The following PCDHGA1 variants were observed in gnomAD, a reference collection of about 807,000 sequenced individuals.
The protein encoded by PCDHGA1 is protocadherin gamma subfamily A, 1.
In PCDHGA1, 32 loss-of-function variants were observed where a neutral mutation model predicts 58.0. The observed-to-expected ratio is 0.55, with a 90% CI of 0.42 to 0.74. The LOEUF (loss-of-function observed/expected upper bound fraction) is 0.74, where lower values mean the gene tolerates loss of function less well. PCDHGA1 is among the 30% of genes least tolerant of loss of function. The pLI is 0.00. For synonymous variants in PCDHGA1, 498 were observed against 501.1 expected (o/e 0.99, Z 0.08); for missense variants, 1,205 against 1,182.3 (o/e 1.02, Z -0.28).
rs368547508 is a variant in PCDHGA1, at chr5:141,366,079, A to T, written c.2421+32974A>T. On this transcript the variant is annotated intron_variant, in intron 1 of 3. Transcript: ENST00000517417. ...TGGAGCTGGCGCCTCGCTCCGCAGA[A>T]CCTGGCTACCTGGTGACCAAGGTGG... 100 of 1,614,102 alleles carry T rather than the reference A, an allele frequency of 6.2e-5. No homozygotes were observed. Among genetic ancestry groups the T allele is most frequent in the Non-Finnish European group, 8.1e-5 (95 of 1,180,048 alleles).
chr5:141,454,669 AC>A (rs1292139052), intron 1 of PCDHGA1, among the ~76,000 whole-genome samples: 1 of 151,212 alleles, frequency 6.6e-6, no homozygotes, highest in African/African-American at 2.4e-5. Context: ...GCCTCCCAAA[AC>A]ACTGGGATTA....
Position 141,485,182 on chromosome 5 carries a change from C to A in PCDHGA1, c.2422-9625C>A. 6.2e-7 allele frequency: 1 copy of A among 1,613,070 alleles called. No individual in the cohort carries two copies. The highest frequency in any genetic ancestry group is 8.5e-7 in the Non-Finnish European group (1 of 1,179,154). On this transcript the variant is annotated intron_variant, in intron 1 of 3. Coordinates refer to ENST00000517417, the MANE Select transcript of PCDHGA1 (RefSeq NM_018912.3). This position sits in a 1 kb window ranked among gnomAD's most constrained non-coding sequence, Gnocchi z 5.7. ...ATTAGCGGGCGGCAGCAATGCTCCG[C>A]AAGGTGAGAAGCTGGACAGAAATCT...
chr5:141,341,179 G>C, intron 1 of PCDHGA1: 1 of 1,613,540 alleles, frequency 6.2e-7, no homozygotes, highest in Non-Finnish European at 8.5e-7. Context: ...CAGGCATGCA[G>C]AGCTCGCACT....
chr5:141,458,409 G>A (rs188300064), intron 1 of PCDHGA1, among the ~76,000 whole-genome samples: 2 of 152,126 alleles, frequency 1.3e-5, no homozygotes, highest in East Asian at 1.9e-4. Context: ...GAGACGGAGC[G>A]GGGGTTCCAA....
chr5:141,408,053 TC>T, intron 1 of PCDHGA1: 1 of 1,288,090 alleles, frequency 7.8e-7, no homozygotes, highest in South Asian at 1.6e-5. Context: ...ACACAGAGCC[TC>T]CCGGCTGCGC....
intron 1 of PCDHGA1, chr5:141,428,311 G>A: frequency 3.0e-6 from 2 of 671,726 alleles, no homozygotes; most frequent in Non-Finnish European, 5.3e-6. Context: ...CCTGGTCGTG[G>A]CCTTGGCCTT....
intron 1 of PCDHGA1, chr5:141,478,592 TC>T: frequency 6.4e-7 from 1 of 1,570,334 alleles, no homozygotes; most frequent in Non-Finnish European, 8.6e-7. Flanking sequence ...GCTTTTTTAT[TC>T]CTACATCATA....
intron 1 of PCDHGA1, chr5:141,394,163 T>C (rs1207627975): frequency 3.7e-6 from 6 of 1,613,782 alleles, no homozygotes; most frequent in Non-Finnish European, 5.1e-6. Flanking sequence ...ACAACCCTCC[T>C]ACTTTCCCTC....
intron 1 of PCDHGA1, among the ~76,000 whole-genome samples, chr5:141,468,306 C>T (rs1006015063): frequency 9.5e-6 from 1 of 105,260 alleles, no homozygotes; most frequent in African/African-American, 3.7e-5. Context: ...GCCTGGGCAA[C>T]AAGAGCAACG....
At chr5:141,433,225 GCT>G in intron 1 of PCDHGA1, 1 of 1,517,048 alleles carries the variant, frequency 6.6e-7, no homozygotes, top group African/African-American at 1.4e-5. Context: ...TTTTTTAATT[GCT>G]CTGTCTCCCA....
intron 1 of PCDHGA1, chr5:141,376,162 G>A (rs1480360111): frequency 1.2e-6 from 2 of 1,614,084 alleles, no homozygotes; most frequent in African/African-American, 1.3e-5. Flanking sequence ...CTCTGTACCT[G>A]GTGGTGGCGG....
At position 141,408,540 on chromosome 5, in the gene PCDHGA1, C is replaced by T. The variant is rs201370009; in HGVS notation, c.2421+75435C>T. On this transcript the variant is annotated intron_variant, in intron 1 of 3. Transcript: ENST00000517417. ...CAATTGGAAGCTGTGGTGGAAAATCCTTTAAATATTTTTCATGTCATTGTG... is the reference window on the plus strand; with the variant it reads ...CAATTGGAAGCTGTGGTGGAAAATCTTTTAAATATTTTTCATGTCATTGTG... The T allele has an allele frequency of 1.6e-3, 2,593 of 1,614,046 alleles. 3 individuals are homozygous for T. Among genetic ancestry groups the T allele is most frequent in the Middle Eastern group, 4.5e-3 (27 of 6,062 alleles).
intron 1 of PCDHGA1, chr5:141,408,083 C>G (rs1045548793): frequency 3.5e-6 from 5 of 1,414,460 alleles, no homozygotes; most frequent in Non-Finnish European, 4.7e-6. Context: ...CCCAGCACAG[C>G]GGATTGCCAG....
chr5:141,340,855 G>C (rs779773904), intron 1 of PCDHGA1: 1 of 1,613,608 alleles, frequency 6.2e-7, no homozygotes, highest in South Asian at 1.1e-5. Context: ...AGGTGCGCAC[G>C]GCGCGAGCCC....
chr5:141,389,121 A>T (rs754294132), intron 1 of PCDHGA1: 2 of 1,613,910 alleles, frequency 1.2e-6, no homozygotes, highest in Non-Finnish European at 1.7e-6. Flanking sequence ...CCGCGAGCAG[A>T]ATCCAGAGTA....
At position 141,393,888 on chromosome 5, in the gene PCDHGA1, A is replaced by T. The variant is rs371905513; in HGVS notation, c.2421+60783A>T. 2.5e-6 allele frequency: 4 copies of T among 1,613,898 alleles called. No homozygotes were observed. The highest frequency in any genetic ancestry group is 1.3e-5 in the African/African-American group (1 of 74,932). On this transcript the variant is annotated intron_variant, in intron 1 of 3. Transcript: ENST00000517417. ...GTCTTTGTTTAGCCCAGTGTTAGAAAATTCTCTTCCCGGGACAGTAATTGC... is the reference window on the plus strand; with the variant it reads ...GTCTTTGTTTAGCCCAGTGTTAGAATATTCTCTTCCCGGGACAGTAATTGC...
intron 1 of PCDHGA1, chr5:141,338,773 G>A (rs1756776385): frequency 7.8e-7 from 1 of 1,283,338 alleles, no homozygotes; most frequent in East Asian, 2.9e-5. Context: ...CCAGCAATAC[G>A]GCTCCCACAG....
chr5:141,428,115 G>A (rs753384738), intron 1 of PCDHGA1: 2 of 1,607,178 alleles, frequency 1.2e-6, no homozygotes, highest in Non-Finnish European at 8.5e-7. Flanking sequence ...GCAGGCCATC[G>A]AGCCCGGGCT....
chr5:141,390,448 A>AGT, intron 1 of PCDHGA1: 1 of 845,308 alleles, frequency 1.2e-6, no homozygotes, highest in South Asian at 1.8e-5. Context: ...ACAAAGGAGG[A>AGT]GTAAAGTAGG....
Sources: gnomAD v4.1 joint callset for allele counts (sites outside exome capture counted in the v4.1 genomes callset) on GRCh38, gnomAD v4.1.1 for gene constraint, Gnocchi (gnomAD v3.1) non-coding constraint, MANE v1.5 for transcripts, NCBI Gene and HGNC (gene_info 2026-07-23, HGNC 2026-07-21) for gene names.